The following STPG2 variants were observed in gnomAD, a reference collection of about 807,000 sequenced individuals.
STPG2 encodes the protein sperm tail PG-rich repeat containing 2.
A neutral mutation model predicts 54.2 loss-of-function variants in STPG2; 56 were observed. That is an observed-to-expected ratio of 1.03 (90% CI 0.83 to 1.29). The LOEUF is 1.29. STPG2 is among the 50% of genes most tolerant of loss of function. STPG2 has a pLI of 0.00. For missense variants in STPG2, 596 were observed against 544.9 expected (o/e 1.09, Z -0.93); for synonymous variants, 200 against 181.8 (o/e 1.10, Z -0.81).
intron 1 of STPG2, among the ~76,000 whole-genome samples, chr4:98,142,420 T>C (rs536471666): frequency 6.6e-6 from 1 of 152,262 alleles, no homozygotes; most frequent in Non-Finnish European, 1.5e-5. Flanking sequence ...AGTCACTAAC[T>C]GCAAACAAAC....
intron 10 of STPG2, among the ~76,000 whole-genome samples, chr4:97,639,690 C>G (rs1240533122): frequency 6.6e-6 from 1 of 151,800 alleles, no homozygotes. Flanking sequence ...CAAAGTTTTT[C>G]CAGAATTTTT....
chr4:98,084,375 T>C (rs951525706), intron 5 of STPG2, among the ~76,000 whole-genome samples: 2 of 152,192 alleles, frequency 1.3e-5, no homozygotes, highest in African/African-American at 4.8e-5. Flanking sequence ...ATTTGGGTTG[T>C]TTTCAGTTTG....
At chr4:97,991,168 C>T (rs1254040252) in intron 5 of STPG2, among the ~76,000 whole-genome samples, 1 of 151,928 alleles carries the variant, frequency 6.6e-6, no homozygotes, top group African/African-American at 2.4e-5. Flanking sequence ...GGTTTCCATT[C>T]CTGGGTTACT....
intron 5 of STPG2, among the ~76,000 whole-genome samples, chr4:98,056,558 C>G (rs1228255431): frequency 6.6e-6 from 1 of 152,050 alleles, no homozygotes; most frequent in Non-Finnish European, 1.5e-5. Flanking sequence ...TGTGCTGGCC[C>G]CCTAATATCT....
chr4:97,815,771 T>G (rs1271445652), intron 9 of STPG2, among the ~76,000 whole-genome samples: 1 of 152,118 alleles, frequency 6.6e-6, no homozygotes, highest in African/African-American at 2.4e-5. Context: ...ATTTGGAGAT[T>G]AAGTATGGTT....
At chr4:97,995,513 A>C (rs1353764610) in intron 5 of STPG2, among the ~76,000 whole-genome samples, 1 of 151,952 alleles carries the variant, frequency 6.6e-6, no homozygotes, top group Admixed American at 6.6e-5. Context: ...ACATTTTAAA[A>C]AGATAAATTG....
In STPG2 at chr4:97,930,109, G is replaced by T. The variant is rs192556491; in HGVS notation, c.1044+13788C>A. ...AGATGAGGTTTCACCATGTTGGCCAGGATGGTCTCAATCTCCTGACCTCGT... is the reference window on the plus strand; with the variant it reads ...AGATGAGGTTTCACCATGTTGGCCATGATGGTCTCAATCTCCTGACCTCGT... On this transcript the variant is annotated intron_variant, in intron 8 of 10. Coordinates refer to ENST00000295268, the MANE Select transcript of STPG2 (RefSeq NM_174952.3). Among the ~76,000 whole-genome samples the T allele has an allele frequency of 2.0e-5, 3 of 152,202 alleles. No homozygotes were observed. In the East Asian group the frequency reaches 5.8e-4, roughly 29 times the overall value.
At chr4:97,931,253 TC>T (rs1249031017) in intron 8 of STPG2, among the ~76,000 whole-genome samples, 2 of 152,218 alleles carry the variant, frequency 1.3e-5, no homozygotes, top group African/African-American at 4.8e-5. Flanking sequence ...AGCTTCCTTG[TC>T]TTGTGACAGT....
chr4:98,020,080 AT>A (rs1173404854), intron 5 of STPG2, among the ~76,000 whole-genome samples: 3 of 123,396 alleles, frequency 2.4e-5, no homozygotes, highest in Non-Finnish European at 1.8e-5. Context: ...GAGAGAGGGC[AT>A]CCCTGTCTTG....
intron 8 of STPG2, among the ~76,000 whole-genome samples, chr4:97,908,962 A>T (rs977598638): frequency 6.6e-6 from 1 of 150,894 alleles, no homozygotes; most frequent in Non-Finnish European, 1.5e-5. Flanking sequence ...ACATGTATAC[A>T]TATGTAACTA....
chr4:97,887,551 GCTTCTAAAAAC>G (rs1161423320), intron 8 of STPG2, among the ~76,000 whole-genome samples: 1 of 152,036 alleles, frequency 6.6e-6, no homozygotes, highest in Admixed American at 6.6e-5. Flanking sequence ...TGGCCTGTCT[GCTTCTAAAAAC>G]CTATACTCAT....
At chr4:97,775,290 A>G (rs1487860856) in intron 9 of STPG2, among the ~76,000 whole-genome samples, 1 of 152,198 alleles carries the variant, frequency 6.6e-6, no homozygotes, top group Non-Finnish European at 1.5e-5. Flanking sequence ...AACAGAGGCT[A>G]CACGTGCACA....
chr4:98,100,606 A>G (rs1420789939), intron 5 of STPG2, among the ~76,000 whole-genome samples: 1 of 150,740 alleles, frequency 6.6e-6, no homozygotes, highest in Non-Finnish European at 1.5e-5. Flanking sequence ...TGAAGCTATT[A>G]GGCCTATCAC....
intron 4 of STPG2, among the ~76,000 whole-genome samples, chr4:97,447,123 T>C (rs1321766802): frequency 6.6e-6 from 1 of 152,184 alleles, no homozygotes; most frequent in East Asian, 1.9e-4. Flanking sequence ...GAGGAACTCA[T>C]TGGGAACTGG....
At chr4:97,485,025 C>G (rs757437131) in intron 4 of STPG2, among the ~76,000 whole-genome samples, 10 of 151,654 alleles carry the variant, frequency 6.6e-5, no homozygotes, top group Non-Finnish European at 1.2e-4. Context: ...GATTAAAACT[C>G]TCAGCAAAAT....
rs1380675081 is a variant in STPG2 at position 97,539,297 on chromosome 4, C to A, written c.462+173402G>T. 1.3e-5 allele frequency among the ~76,000 whole-genome samples: 2 copies of A among 152,050 alleles called. 1 individual carries two copies. Among genetic ancestry groups the A allele is most frequent in the South Asian group, 4.1e-4 (2 of 4,824 alleles). ...ATCAGTGTGCTGTATTCAGGAAACC[C>A]ATCTCACATGCAGAGACACAGACAG... On this transcript the variant is annotated intron_variant, in intron 4 of 4. Coordinates refer to the STPG2 transcript ENST00000522676.
intron 10 of STPG2, among the ~76,000 whole-genome samples, chr4:97,593,899 G>A (rs189794175): frequency 2.6e-5 from 4 of 152,176 alleles, no homozygotes; most frequent in African/African-American, 7.2e-5. Context: ...ATGCTGAGCC[G>A]AGCCATGATG....
chr4:97,959,412 T>A (rs1370736235), intron 7 of STPG2, among the ~76,000 whole-genome samples: 2 of 150,378 alleles, frequency 1.3e-5, no homozygotes, highest in Admixed American at 6.6e-5. Context: ...AAAAGATAAA[T>A]GAAACAAAAA....
chr4:97,850,361 C>CA (rs941514659), intron 8 of STPG2, among the ~76,000 whole-genome samples: 8 of 148,254 alleles, frequency 5.4e-5, no homozygotes, highest in East Asian at 2.0e-4. Flanking sequence ...AGACAAAGAG[C>CA]AAAAAAAGAA....
Sources: allele counts gnomAD v4.1 joint callset (sites outside exome capture counted in the v4.1 genomes callset), GRCh38; gene constraint gnomAD v4.1.1; transcripts MANE v1.5; gene names NCBI Gene and HGNC (gene_info 2026-07-23, HGNC 2026-07-21).